The following RABEP1 variants were observed in gnomAD, a reference collection of about 807,000 sequenced individuals.
The protein encoded by RABEP1 is rabaptin, RAB GTPase binding effector protein 1, also known as rab GTPase-binding effector protein 1.
A neutral mutation model predicts 123.4 loss-of-function variants in RABEP1; 51 were observed. That is an observed-to-expected ratio of 0.41 (90% CI 0.33 to 0.52). RABEP1 has a LOEUF of 0.52. Ranked by LOEUF, RABEP1 falls within the 20% of genes least tolerant of loss-of-function variation. RABEP1 has a pLI of 0.16. For synonymous variants in RABEP1, 347 were observed against 355.2 expected, an observed-to-expected ratio of 0.98 and a Z score of 0.26; for missense variants, 888 against 996.3, an observed-to-expected ratio of 0.89 and a Z score of 1.46.
At chr17:5,351,047 T>C (rs917057738) in intron 7 of RABEP1, among the ~76,000 whole-genome samples, 3 of 152,206 alleles carry the variant, frequency 2.0e-5, no homozygotes, top group African/African-American at 4.8e-5. Flanking sequence ...TTTTGTTTGT[T>C]TTAGCTCATC....
chr17:5,300,631 A>T (rs749115242), intron 1 of RABEP1, among the ~76,000 whole-genome samples: 1 of 152,096 alleles, frequency 6.6e-6, no homozygotes, highest in Non-Finnish European at 1.5e-5. Context: ...CAGATTTTTC[A>T]AGTGTTTCCT....
At chr17:5,372,135 G>T (rs1910570741) in intron 12 of RABEP1, among the ~76,000 whole-genome samples, 1 of 151,900 alleles carries the variant, frequency 6.6e-6, no homozygotes, top group South Asian at 2.1e-4. Context: ...AAGTGGGAGT[G>T]TGTCCCATTT....
intron 8 of RABEP1, chr17:5,356,629 TA>T: frequency 6.2e-6 from 1 of 161,318 alleles, no homozygotes; most frequent in Non-Finnish European, 1.4e-5. Context: ...ATATATATGT[TA>T]ACATATGTTA....
rs1187264350 is a variant in RABEP1 at position 5,331,871 on chromosome 17, T to G, written c.164-78T>G. 3.8e-6 allele frequency: 5 copies of G among 1,315,188 alleles called. No homozygotes were observed. The African/African-American group carries it at 6.0e-5, about 16-fold the overall frequency. 81.5% of individuals were successfully genotyped at this position (1,315,188 alleles called of 1,614,324 possible). A position where few individuals can be genotyped will look rare whatever the true frequency, so the allele number is the denominator to read the frequency against. Reference sequence around the variant, plus strand: ...TTTTGTATGTTTATATTTTAAAATTTAATACCTTATTTCTTTATTGGAATG... The same window carrying G: ...TTTTGTATGTTTATATTTTAAAATTGAATACCTTATTTCTTTATTGGAATG... On this transcript the variant is annotated intron_variant, in intron 2 of 17. Transcript: ENST00000537505.
At chr17:5,374,247 T>C (rs186853093) in intron 13 of RABEP1, among the ~76,000 whole-genome samples, 263 of 151,130 alleles carry the variant, frequency 1.7e-3, no homozygotes, top group East Asian at 0.012. Flanking sequence ...TTTGCATTTA[T>C]AGTATAGATG....
chr17:5,326,734 T>G (rs1277916611), intron 2 of RABEP1, among the ~76,000 whole-genome samples: 1 of 151,830 alleles, frequency 6.6e-6, no homozygotes, highest in African/African-American at 2.4e-5. Flanking sequence ...TGTACAGGGG[T>G]GTGGGGCATA....
At chr17:5,375,998 G>C (rs746399798) in intron 13 of RABEP1, among the ~76,000 whole-genome samples, 9 of 152,012 alleles carry the variant, frequency 5.9e-5, no homozygotes, top group Non-Finnish European at 8.8e-5. Flanking sequence ...TCTGCCTCCT[G>C]AGTAGCTGGG....
intron 1 of RABEP1, among the ~76,000 whole-genome samples, chr17:5,300,603 A>G (rs1490468592): frequency 6.6e-6 from 1 of 152,188 alleles, no homozygotes; most frequent in Non-Finnish European, 1.5e-5. Context: ...TTATGAAATC[A>G]GCCAGGTTGA....
chr17:5,294,707 G>C (rs1386435192), intron 1 of RABEP1, among the ~76,000 whole-genome samples: 4 of 133,178 alleles, frequency 3.0e-5, no homozygotes, highest in Non-Finnish European at 6.2e-5. Context: ...GAGTGCAGTG[G>C]CGCGATCTCG....
chr17:5,361,640 G>A lies in RABEP1; in HGVS notation c.1528G>A (p.Val510Ile), dbSNP rs987842320. ...AYVSPSGYRL[V>I]SETEWNLLQK... The stretch of plus-strand genomic sequence containing the variant: ...TGTGTCCCCTAGTGGTTATCGTTTA[G>A]TTAGTGAAACAGAATGGAATCTCTT... The change falls in exon 9 of 18, where the codon GTT (valine) becomes ATT (isoleucine). Residue 510 changes from valine to isoleucine, a missense_variant. Coordinates refer to ENST00000537505, the MANE Select transcript of RABEP1 (RefSeq NM_004703.6). 6.2e-7 allele frequency: 1 copy of A among 1,609,606 alleles called. No individual in the cohort carries two copies. The highest frequency in any genetic ancestry group is 8.5e-7 in the Non-Finnish European group (1 of 1,178,746).
Position 5,319,155 on chromosome 17 carries a change from C to A in RABEP1, c.163+10333C>A, listed in dbSNP as rs1325755383. On this transcript the variant is annotated intron_variant, in intron 2 of 17. Transcript: ENST00000537505. ...GACCATCCTGGCCAACATGGTGAAA[C>A]CCCGTCTCTGCTAAAATACAAAAAA... is the stretch of plus-strand genomic sequence containing the variant. Among the ~76,000 whole-genome samples, 4 of 151,846 alleles carry A rather than the reference C, an allele frequency of 2.6e-5. No individual in the cohort carries two copies. The East Asian group carries it at 7.9e-4, about 30-fold the overall frequency.
rs377190314 is a variant in RABEP1 at position 5,383,224 on chromosome 17, C to T, written c.*1C>T. On this transcript the variant is annotated 3_prime_UTR_variant, in exon 18 of 18. Coordinates refer to ENST00000537505, the MANE Select transcript of RABEP1 (RefSeq NM_004703.6). ...CATTAACCAGCTTCCTGAGACATGA[C>T]ACCCTCATGGCAGGATTCTAGCCTG... is the stretch of plus-strand genomic sequence containing the variant. The T allele has an allele frequency of 3.1e-6, 5 of 1,612,704 alleles. No individual in the cohort carries two copies. In the African/African-American group the frequency reaches 5.3e-5, roughly 17 times the overall value.
intron 16 of RABEP1, among the ~76,000 whole-genome samples, chr17:5,380,855 T>C (rs912578383): frequency 6.6e-6 from 1 of 152,244 alleles, no homozygotes; most frequent in African/African-American, 2.4e-5. Flanking sequence ...ACGTGCATGT[T>C]GTGGGGGTAG....
intron 12 of RABEP1, among the ~76,000 whole-genome samples, chr17:5,372,392 A>C (rs923691197): frequency 6.6e-6 from 1 of 151,766 alleles, no homozygotes; most frequent in Non-Finnish European, 1.5e-5. Context: ...TGGAGGTTGC[A>C]GTGAGCCGAG....
At chr17:5,367,961 A>T (rs1462351978) in intron 11 of RABEP1, among the ~76,000 whole-genome samples, 2 of 148,126 alleles carry the variant, frequency 1.4e-5, no homozygotes, top group Non-Finnish European at 3.0e-5. Flanking sequence ...TTTACCATGC[A>T]GGCCAGGCTG....
intron 11 of RABEP1, among the ~76,000 whole-genome samples, chr17:5,366,918 T>C (rs929285065): frequency 2.0e-5 from 3 of 151,352 alleles, no homozygotes; most frequent in South Asian, 4.2e-4. Flanking sequence ...GGAGAAACCC[T>C]GTCTCTACTA....
chr17:5,305,809 T>G (rs1360488661), intron 1 of RABEP1, among the ~76,000 whole-genome samples: 1 of 152,214 alleles, frequency 6.6e-6, no homozygotes, highest in Non-Finnish European at 1.5e-5. Flanking sequence ...AAGGGTAATA[T>G]GAGATAATTG....
intron 2 of RABEP1, among the ~76,000 whole-genome samples, chr17:5,326,892 T>C (rs1906028274): frequency 6.6e-6 from 1 of 152,200 alleles, no homozygotes. Context: ...TTTGTCCTTG[T>C]GCGAACGCGG....
At chr17:5,305,367 G>C (rs967428925) in intron 1 of RABEP1, among the ~76,000 whole-genome samples, 1 of 152,168 alleles carries the variant, frequency 6.6e-6, no homozygotes, top group Admixed American at 6.6e-5. Context: ...GAGAGAGCCA[G>C]GCTTTGTGGG....
Sources: gnomAD v4.1 joint callset for allele counts (sites outside exome capture counted in the v4.1 genomes callset) on GRCh38, gnomAD v4.1.1 for gene constraint, MANE v1.5 for transcripts, NCBI Gene and HGNC (gene_info 2026-07-23, HGNC 2026-07-21) for gene names.